ARHGAP42: variants seen among roughly 807,000 people sequenced by gnomAD.
ARHGAP42 encodes Rho GTPase activating protein 42.
ARHGAP42 carries 63 observed loss-of-function variants against 125.0 expected under a neutral mutation model. The ratio of observed to expected loss-of-function variants is 0.50; its 90% CI spans 0.41 to 0.62. The LOEUF (loss-of-function observed/expected upper bound fraction) is 0.62, where lower values mean the gene tolerates loss of function less well. ARHGAP42 is among the 20% of genes least tolerant of loss of function. The pLI is 0.00. For missense variants in ARHGAP42, 766 were observed against 1,024.2 expected (o/e 0.75, Z 3.44); for synonymous variants, 339 against 351.0 (o/e 0.97, Z 0.38).
At chr11:100,904,927 C>T (rs1866679263) in intron 4 of ARHGAP42, among the ~76,000 whole-genome samples, 1 of 152,180 alleles carries the variant, frequency 6.6e-6, no homozygotes, top group African/African-American at 2.4e-5. Flanking sequence ...GTTAATTGTT[C>T]TCCCAGTCTT....
Position 100,903,710 on chromosome 11 carries a change from ATATATATATAT to A in ARHGAP42, c.385-9741_385-9731del, listed in dbSNP as rs1200637924. 7.8e-4 allele frequency among the ~76,000 whole-genome samples: 44 copies of A among 56,406 alleles called. 2 individuals are homozygous for A. Among genetic ancestry groups the A allele is most frequent in the Middle Eastern group, 0.016 (2 of 128 alleles). 37.0% of individuals were successfully genotyped at this position (56,406 alleles called of 152,430 possible). ...TGTATATATATACATGTCCCTCAAA[ATATATATATAT>A]ATATATATATATATATATATATATA... is the stretch of plus-strand genomic sequence containing the variant. On this transcript the variant is annotated intron_variant, in intron 4 of 23. Coordinates refer to ENST00000298815, the MANE Select transcript of ARHGAP42 (RefSeq NM_152432.4).
chr11:100,830,058 G>A (rs1864629637), intron 3 of ARHGAP42, among the ~76,000 whole-genome samples: 1 of 152,176 alleles, frequency 6.6e-6, no homozygotes, highest in Non-Finnish European at 1.5e-5. Context: ...ATATTAATAG[G>A]ATGTTAGTAA....
intron 3 of ARHGAP42, chr11:100,839,413 A>T (rs1054499987): frequency 4.6e-5 from 7 of 152,324 alleles, no homozygotes; most frequent in Non-Finnish European, 1.0e-4. Context: ...TAGTTAAAAC[A>T]TACTATAACT....
chr11:100,881,343 C>T (rs1865957122), intron 4 of ARHGAP42, among the ~76,000 whole-genome samples: 1 of 152,134 alleles, frequency 6.6e-6, no homozygotes, highest in Non-Finnish European at 1.5e-5. Flanking sequence ...ACATCCTTTC[C>T]CTGCTTTATG....
intron 2 of ARHGAP42, among the ~76,000 whole-genome samples, chr11:100,790,130 T>G (rs1863530986): frequency 6.6e-6 from 1 of 152,170 alleles, no homozygotes; most frequent in Non-Finnish European, 1.5e-5. Flanking sequence ...AAACAGGTCT[T>G]CCAGGCAAAA....
rs544991287 is a variant in ARHGAP42, at chr11:100,737,422, A to G, written c.155-32921A>G. Among the ~76,000 whole-genome samples the G allele has an allele frequency of 2.0e-5, 3 of 152,158 alleles. No homozygotes were observed. The East Asian group carries it at 5.8e-4, about 29-fold the overall frequency. On this transcript the variant is annotated intron_variant, in intron 1 of 23. Transcript: ENST00000298815. ...GCGTAGAATCCTGTGAGTGATTTTT[A>G]TGTTTCGTTGTTGTTGTTGTTGTTT...
chr11:100,892,749 C>G (rs1245610702), intron 4 of ARHGAP42, among the ~76,000 whole-genome samples: 1 of 152,142 alleles, frequency 6.6e-6, no homozygotes. Context: ...AGCACATTTT[C>G]TTTCTGGTTT....
chr11:100,704,536 C>G (rs930516480), intron 1 of ARHGAP42, among the ~76,000 whole-genome samples: 3 of 152,130 alleles, frequency 2.0e-5, no homozygotes, highest in Non-Finnish European at 4.4e-5. Flanking sequence ...TCAGACTGCT[C>G]TAATGGAAAT....
chr11:100,887,827 G>C (rs1275235243), intron 4 of ARHGAP42, among the ~76,000 whole-genome samples: 2 of 152,190 alleles, frequency 1.3e-5, no homozygotes, highest in African/African-American at 4.8e-5. Flanking sequence ...GTGGTTGATA[G>C]GGGCAGGAGC....
At chr11:100,961,072 T>A in intron 14 of ARHGAP42, 83 bp downstream of exon 14, 1 of 839,624 alleles carries the variant, frequency 1.2e-6, no homozygotes, top group East Asian at 3.0e-5. Flanking sequence ...CTAGTGCTTG[T>A]CTTTGAATAT....
At position 100,881,792 on chromosome 11, in the gene ARHGAP42, A is replaced by G. The variant is rs184585002; in HGVS notation, c.384+22167A>G. ...GTTTTCCTTGTAAAGGTGTTTTACC[A>G]TCTTGGTTAGGTGTATTCCTAAGTT... On this transcript the variant is annotated intron_variant, in intron 4 of 23. Coordinates refer to ENST00000298815, the MANE Select transcript of ARHGAP42 (RefSeq NM_152432.4). 1.6e-4 allele frequency among the ~76,000 whole-genome samples: 24 copies of G among 152,158 alleles called. No individual in the cohort carries two copies. The East Asian group carries it at 3.5e-3, about 22-fold the overall frequency.
At chr11:100,692,224 GA>G (rs768806125) in intron 1 of ARHGAP42, among the ~76,000 whole-genome samples, 10 of 151,632 alleles carry the variant, frequency 6.6e-5, no homozygotes, top group African/African-American at 1.9e-4. Flanking sequence ...TTGATCAAAG[GA>G]AAAAAAAGAT....
intron 3 of ARHGAP42, among the ~76,000 whole-genome samples, chr11:100,823,367 C>T (rs1229914763): frequency 6.6e-6 from 1 of 152,146 alleles, no homozygotes; most frequent in Admixed American, 6.5e-5. Context: ...TGGTGGATCA[C>T]CTCTTGCTCC....
chr11:100,928,546 A>G (rs981637964), intron 6 of ARHGAP42, among the ~76,000 whole-genome samples: 1 of 152,006 alleles, frequency 6.6e-6, no homozygotes, highest in Non-Finnish European at 1.5e-5. Context: ...TAATCATGCC[A>G]CTATCCTCCA....
At chr11:100,749,875 G>A (rs1434990972) in intron 1 of ARHGAP42, among the ~76,000 whole-genome samples, 9 of 151,886 alleles carry the variant, frequency 5.9e-5, no homozygotes, top group African/African-American at 2.2e-4. Context: ...ACCGGCTCCC[G>A]CAGCTTCTCC....
At chr11:100,849,343 C>A (rs77838852) in intron 3 of ARHGAP42, among the ~76,000 whole-genome samples, 4,797 of 152,146 alleles carry the variant, frequency 0.032, 142 homozygotes, top group African/African-American at 0.08. Context: ...TAGTTTATGA[C>A]CAGATCTGGA....
At position 100,960,632 on chromosome 11, in the gene ARHGAP42, C is replaced by T. The variant is rs547392044; in HGVS notation, c.1226-283C>T. Among the ~76,000 whole-genome samples, 252 of 152,254 alleles carry T rather than the reference C, an allele frequency of 1.7e-3. 1 individual carries two copies. Among genetic ancestry groups the T allele is most frequent in the African/African-American group, 5.8e-3 (239 of 41,562 alleles). ...GAAATAGAATATGAGTAATATCGAT[C>T]ATCCCTTCCCATCTCCATTGCTTTT... On this transcript the variant is annotated intron_variant, in intron 13 of 23. Transcript: ENST00000298815.
At chr11:100,903,117 G>GCACACACACAAA (rs1555021072) in intron 4 of ARHGAP42, among the ~76,000 whole-genome samples, 3 of 131,942 alleles carry the variant, frequency 2.3e-5, no homozygotes, top group Non-Finnish European at 3.2e-5. Flanking sequence ...TCCAAGATGC[G>GCACACACACAAA]CACACACACA....
intron 4 of ARHGAP42, among the ~76,000 whole-genome samples, chr11:100,863,787 T>C (rs1049047998): frequency 6.6e-6 from 1 of 152,218 alleles, no homozygotes; most frequent in African/African-American, 2.4e-5. Flanking sequence ...ATATTACATG[T>C]GTCAGAGGCT....
Sources: allele counts gnomAD v4.1 joint callset (sites outside exome capture counted in the v4.1 genomes callset), GRCh38; gene constraint gnomAD v4.1.1; transcripts MANE v1.5; gene names NCBI Gene and HGNC (gene_info 2026-07-23, HGNC 2026-07-21).